Variants in STXBP5 observed in about 807,000 individuals in gnomAD.
STXBP5 encodes the protein syntaxin binding protein 5.
STXBP5 carries 50 observed loss-of-function variants against 152.4 expected under a neutral mutation model. The observed-to-expected ratio is 0.33, with a 90% confidence interval of 0.26 to 0.42. The LOEUF (loss-of-function observed/expected upper bound fraction) is 0.42. Among genes scored for constraint, STXBP5 ranks in the 10% least tolerant of loss-of-function variants. The probability of loss-of-function intolerance (pLI) is 1.00; values close to 1 mark genes in which losing one functional copy is unlikely to be tolerated. For synonymous variants in STXBP5, 492 were observed against 494.7 expected, an observed-to-expected ratio of 0.99 and a Z score of 0.07; for missense variants, 1,167 against 1,388.6, an observed-to-expected ratio of 0.84 and a Z score of 2.54.
intron 4 of STXBP5, among the ~76,000 whole-genome samples, chr6:147,251,586 C>T (rs563238308): frequency 6.6e-6 from 1 of 152,224 alleles, no homozygotes; most frequent in African/African-American, 2.4e-5. Context: ...GGCTGCAGCC[C>T]CAGTCAGTGG....
chr6:147,243,136 A>G lies in STXBP5; in HGVS notation c.431+3866A>G, dbSNP rs535426382. 2.0e-5 allele frequency among the ~76,000 whole-genome samples: 3 copies of G among 152,266 alleles called. No individual in the cohort carries two copies. The South Asian group carries it at 6.2e-4, about 32-fold the overall frequency. ...GTGCTATTGCTGGATCATATGCTAG[A>G]CTATCTTTGGCTTTGTGAAAACTGC... On this transcript the variant is annotated intron_variant, in intron 4 of 27. Transcript: ENST00000321680.
At chr6:147,281,798 A>G (rs1780715322) in intron 8 of STXBP5, among the ~76,000 whole-genome samples, 1 of 152,210 alleles carries the variant, frequency 6.6e-6, no homozygotes, top group East Asian at 1.9e-4. Context: ...ATCTGTTCAG[A>G]AGGTATTATG....
At chr6:147,383,590 C>A (rs1329283218) in intron 27 of STXBP5, among the ~76,000 whole-genome samples, 2 of 152,006 alleles carry the variant, frequency 1.3e-5, no homozygotes, top group African/African-American at 4.8e-5. Flanking sequence ...ATTTAAAAGC[C>A]TTTACGGGAA....
chr6:147,313,784 C>A, intron 11 of STXBP5, 100 bp from the exon 12 acceptor site: 1 of 755,202 alleles, frequency 1.3e-6, no homozygotes, highest in Non-Finnish European at 1.9e-6. Flanking sequence ...AATTTAATCT[C>A]TATGATAGAA....
rs772181380 is a variant in STXBP5, at chr6:147,373,782, A to G, written c.3133A>G (p.Arg1045Gly). Reference sequence around the variant, plus strand: ...TGTAGAAACACCTGAAGCACCAAACAGGGGATTCTTTAAAGGCTTATTTGG... The same window carrying G: ...TGTAGAAACACCTGAAGCACCAAACGGGGGATTCTTTAAAGGCTTATTTGG... ...TPVETPEAPN[R>G]GFFKGLFGGG... The change falls in exon 26 of 28, where the codon AGG becomes GGG. Residue 1045 changes from arginine to glycine, a missense_variant. Arg to Gly is a moderately radical substitution (Grantham distance 125, BLOSUM62 -2). This residue lies in a region of STXBP5 where 833 missense variants were observed against 986.3 expected (regional missense o/e 0.84). Transcript: ENST00000321680. 2.5e-6 allele frequency: 4 copies of G among 1,613,804 alleles called. No individual in the cohort carries two copies. Among genetic ancestry groups the G allele is most frequent in the South Asian group, 2.2e-5 (2 of 91,082 alleles).
At chr6:147,340,964 G>A (rs1030677036) in intron 21 of STXBP5, among the ~76,000 whole-genome samples, 1 of 152,092 alleles carries the variant, frequency 6.6e-6, no homozygotes, top group Non-Finnish European at 1.5e-5. Flanking sequence ...GGGAAAGCAT[G>A]TTATGTTAAC....
chr6:147,270,355 C>T (rs1780100658), intron 7 of STXBP5, among the ~76,000 whole-genome samples: 1 of 144,166 alleles, frequency 6.9e-6, no homozygotes, highest in Non-Finnish European at 1.5e-5. Context: ...ACTGAAATCA[C>T]ACCACTGCAC....
intron 26 of STXBP5, among the ~76,000 whole-genome samples, chr6:147,377,577 A>G (rs1182408151): frequency 6.6e-6 from 1 of 152,174 alleles, no homozygotes; most frequent in Non-Finnish European, 1.5e-5. Flanking sequence ...AGGTGCCAGC[A>G]GGATTGAGTT....
chr6:147,235,365 T>C (rs1778218706), intron 3 of STXBP5, 34 bp downstream of exon 3: 1 of 1,557,810 alleles, frequency 6.4e-7, no homozygotes, highest in Non-Finnish European at 8.8e-7. Context: ...TCTACTTATA[T>C]CCAAAATAGG....
intron 25 of STXBP5, among the ~76,000 whole-genome samples, chr6:147,366,688 C>T (rs1456432989): frequency 6.6e-6 from 1 of 152,148 alleles, no homozygotes; most frequent in African/African-American, 2.4e-5. Flanking sequence ...AGAATAATTT[C>T]CCCAGAGCAA....
chr6:147,280,246 G>A (rs902510576), intron 8 of STXBP5, among the ~76,000 whole-genome samples: 3 of 151,144 alleles, frequency 2.0e-5, no homozygotes, highest in Admixed American at 1.3e-4. Context: ...TTTATAGAAC[G>A]TGCCTCAGTA....
rs954251338 is a variant in STXBP5, at chr6:147,385,675, A to T, written c.*920A>T. On this transcript the variant is annotated 3_prime_UTR_variant, in exon 28 of 28. Transcript: ENST00000321680. ...TGGCTGTGTTTTAAATTTTGCTTGA[A>T]TTTTTATAAAATGTTTAACCAAATG... is the stretch of plus-strand genomic sequence containing the variant. 3 of 152,098 alleles carry T rather than the reference A, an allele frequency of 2.0e-5. No homozygotes were observed. The highest frequency in any genetic ancestry group is 4.4e-5 in the Non-Finnish European group (3 of 67,992). 9.4% of individuals were successfully genotyped at this position (152,098 alleles called of 1,614,324 possible).
At chr6:147,334,465 G>A (rs1456602253) in intron 19 of STXBP5, among the ~76,000 whole-genome samples, 1 of 151,996 alleles carries the variant, frequency 6.6e-6, no homozygotes, top group Non-Finnish European at 1.5e-5. Flanking sequence ...TTTATTTAAT[G>A]TTCTTATATT....
chr6:147,284,188 G>A (rs576822753), intron 8 of STXBP5, among the ~76,000 whole-genome samples: 38 of 151,994 alleles, frequency 2.5e-4, no homozygotes, highest in Middle Eastern at 3.4e-3. Flanking sequence ...TACGTGTCCC[G>A]CTGTCCGTGC....
chr6:147,331,333 G>T (rs1371148389), intron 18 of STXBP5, among the ~76,000 whole-genome samples: 2 of 152,168 alleles, frequency 1.3e-5, no homozygotes, highest in Admixed American at 1.3e-4. Context: ...AACAATACAT[G>T]TTGAGTCCTG....
At chr6:147,206,164 G>A (rs995175542) in intron 2 of STXBP5, 96 bp downstream of exon 2, 1 of 1,059,736 alleles carries the variant, frequency 9.4e-7, no homozygotes, top group Non-Finnish European at 1.4e-6. Flanking sequence ...TTATTTTCCT[G>A]TTGGTGTGAT....
At chr6:147,316,686 T>C (rs968332224) in intron 16 of STXBP5, among the ~76,000 whole-genome samples, 3 of 152,354 alleles carry the variant, frequency 2.0e-5, no homozygotes, top group Non-Finnish European at 1.5e-5. Flanking sequence ...CTCAGTCTTC[T>C]AAATCCATCA....
At chr6:147,264,822 G>C (rs1332795979) in intron 6 of STXBP5, among the ~76,000 whole-genome samples, 2 of 152,020 alleles carry the variant, frequency 1.3e-5, no homozygotes, top group Non-Finnish European at 2.9e-5. Context: ...GAATTGAAAA[G>C]CTGGAAGATT....
chr6:147,208,603 C>T (rs987978169), intron 2 of STXBP5, among the ~76,000 whole-genome samples: 2 of 152,104 alleles, frequency 1.3e-5, no homozygotes, highest in South Asian at 4.1e-4. Flanking sequence ...ACACAGTTAT[C>T]CTAAAAGATA....
Sources: allele counts gnomAD v4.1 joint callset (sites outside exome capture counted in the v4.1 genomes callset), GRCh38; gene constraint gnomAD v4.1.1; regional missense constraint gnomAD v4.1.1; transcripts MANE v1.5; gene names NCBI Gene and HGNC (gene_info 2026-07-23, HGNC 2026-07-21).